Variants in ANK2 observed in about 807,000 individuals in gnomAD.
The protein encoded by ANK2 is ankyrin-2.
A neutral mutation model predicts 360.5 loss-of-function variants in ANK2; 83 were observed. The ratio of observed to expected loss-of-function variants is 0.23; its 90% confidence interval spans 0.19 to 0.28. The LOEUF (loss-of-function observed/expected upper bound fraction) is 0.28, where lower values mean the gene tolerates loss of function less well. Among genes scored for constraint, ANK2 ranks in the 10% least tolerant of loss-of-function variants. ANK2 has a pLI of 1.00. For missense variants in ANK2, 4,201 were observed against 4,795.7 expected, an observed-to-expected ratio of 0.88 and a Z score of 3.66; for synonymous variants, 1,740 against 1,759.5, an observed-to-expected ratio of 0.99 and a Z score of 0.28.
intron 14 of ANK2, 132 bp downstream of exon 14, chr4:113,265,127 G>T: frequency 1.2e-6 from 1 of 835,130 alleles, no homozygotes; most frequent in Non-Finnish European, 1.9e-6. Flanking sequence ...TTCAATAGCA[G>T]TTTTCCAGAA....
intron 2 of ANK2, among the ~76,000 whole-genome samples, chr4:112,948,031 A>C (rs1045241459): frequency 6.6e-6 from 1 of 152,228 alleles, no homozygotes; most frequent in Non-Finnish European, 1.5e-5. Context: ...CCATTTTGTA[A>C]TATGCGCTTC....
chr4:112,896,035 A>C (rs1580722956), intron 1 of ANK2, among the ~76,000 whole-genome samples: 1 of 152,210 alleles, frequency 6.6e-6, no homozygotes, highest in Non-Finnish European at 1.5e-5. Context: ...TCATTCTCTC[A>C]CCACCCGCCA....
intron 4 of ANK2, among the ~76,000 whole-genome samples, chr4:113,210,782 C>T (rs2099012625): frequency 1.3e-5 from 2 of 152,112 alleles, no homozygotes; most frequent in Admixed American, 6.5e-5. Context: ...TTATTATTTT[C>T]ATTGTTAGCT....
intron 2 of ANK2, among the ~76,000 whole-genome samples, chr4:112,932,298 C>T (rs188790027): frequency 5.1e-4 from 78 of 152,170 alleles, no homozygotes; most frequent in African/African-American, 1.7e-3. Context: ...TCGAGACCAG[C>T]CTGACCCACA....
intron 2 of ANK2, among the ~76,000 whole-genome samples, chr4:112,987,585 C>T (rs2045361322): frequency 2.0e-5 from 3 of 152,018 alleles, no homozygotes; most frequent in African/African-American, 7.2e-5. Flanking sequence ...CAGCAATCCC[C>T]AGATACCCAT....
At chr4:113,174,322 T>A in intron 1 of ANK2, 94 bp from the exon 2 acceptor site, 3 of 1,068,760 alleles carry the variant, frequency 2.8e-6, no homozygotes, top group Non-Finnish European at 4.2e-6. Flanking sequence ...AACTAAAGCT[T>A]TTCTGACTTC....
chr4:112,789,983 C>G, the ANK2 span, among the ~76,000 whole-genome samples: 1 of 152,056 alleles, frequency 6.6e-6, no homozygotes, highest in East Asian at 1.9e-4. Context: ...AAATTGGAAC[C>G]CTTGTTGGTG....
At position 113,287,600 on chromosome 4, in the gene ANK2, T is replaced by C. The variant is rs1209268795; in HGVS notation, c.2080-5T>C. 8 of 1,590,458 alleles carry C rather than the reference T, an allele frequency of 5.0e-6. No individual in the cohort carries two copies. The Admixed American group carries it at 1.3e-4, about 27-fold the overall frequency. ...TGTATCCCTTTGGTTCCATTCTTTC[T>C]GTAGAGTGGACTCACATCCTTACAC... On this transcript the variant is annotated splice_region_variant and splice_polypyrimidine_tract_variant and intron_variant, in intron 18 of 45. Coordinates refer to ENST00000357077, the MANE Select transcript of ANK2 (RefSeq NM_001148.6).
the ANK2 span, among the ~76,000 whole-genome samples, chr4:112,740,711 GA>G: frequency 1.6e-3 from 244 of 149,342 alleles, 1 homozygote; most frequent in Middle Eastern, 0.038. Context: ...CAAAAAAGAA[GA>G]AAAAAAAAAT....
At chr4:113,257,388 A>G (rs1351612393) in intron 11 of ANK2, among the ~76,000 whole-genome samples, 1 of 152,196 alleles carries the variant, frequency 6.6e-6, no homozygotes, top group African/African-American at 2.4e-5. Flanking sequence ...CATTTATCCC[A>G]GAAATTCTCC....
chr4:112,756,385 C>T, the ANK2 span, among the ~76,000 whole-genome samples: 3 of 152,216 alleles, frequency 2.0e-5, no homozygotes, highest in Admixed American at 6.5e-5. Flanking sequence ...TATCAATTCA[C>T]GTAGAACTAA....
At chr4:112,996,504 A>G (rs1309635754) in intron 2 of ANK2, among the ~76,000 whole-genome samples, 1 of 152,184 alleles carries the variant, frequency 6.6e-6, no homozygotes, top group Non-Finnish European at 1.5e-5. Flanking sequence ...TGTAATAGGA[A>G]CAGCACCTTT....
chr4:113,024,897 A>ATTAT (rs2058938977), intron 2 of ANK2, among the ~76,000 whole-genome samples: 2 of 152,202 alleles, frequency 1.3e-5, no homozygotes, highest in Non-Finnish European at 2.9e-5. Flanking sequence ...TTAGATAAAT[A>ATTAT]AAAAGAAGTC....
chr4:113,320,025 G>A (rs2085187155), intron 26 of ANK2, among the ~76,000 whole-genome samples: 1 of 152,132 alleles, frequency 6.6e-6, no homozygotes, highest in Admixed American at 6.5e-5. Context: ...ATCTGTGCAT[G>A]CCAATACTTC....
chr4:112,810,153 ATATATATTTT>A, the ANK2 span, among the ~76,000 whole-genome samples: 15 of 23,502 alleles, frequency 6.4e-4, no homozygotes, highest in African/African-American at 2.4e-3. Flanking sequence ...ATATATATAT[ATATATATTTT>A]TTTTTTTTTT....
At chr4:112,803,833 T>C in the ANK2 span, among the ~76,000 whole-genome samples, 1 of 152,116 alleles carries the variant, frequency 6.6e-6, no homozygotes, top group Non-Finnish European at 1.5e-5. Context: ...ATAAATAAAA[T>C]GACAATTTTG....
chr4:113,286,628 G>C (rs1230984750), intron 18 of ANK2, among the ~76,000 whole-genome samples: 1 of 152,186 alleles, frequency 6.6e-6, no homozygotes, highest in African/African-American at 2.4e-5. Context: ...AATCAGATGT[G>C]AACTGGGGAA....
In ANK2 at chr4:113,009,925, T is replaced by TACACACACACACACACACACACAC. The variant is rs3028929; in HGVS notation, c.21+105433_21+105434insACACACACACACACACACACACAC. On this transcript the variant is annotated intron_variant, in intron 2 of 30. Transcript: ENST00000503271. ...TTTCCTAAGGCCCCATTGTTGAGAG[T>TACACACACACACACACACACACAC]ACACACACACACACACACACACTCA... 2.1e-3 allele frequency among the ~76,000 whole-genome samples: 319 copies of TACACACACACACACACACACACAC among 149,642 alleles called. 1 individual carries two copies. Among genetic ancestry groups the TACACACACACACACACACACACAC allele is most frequent in the African/African-American group, 6.8e-3 (277 of 40,720 alleles).
intron 2 of ANK2, among the ~76,000 whole-genome samples, chr4:112,994,296 T>C (rs977175047): frequency 5.3e-5 from 8 of 152,224 alleles, no homozygotes; most frequent in African/African-American, 1.9e-4. Context: ...TTACAGATTC[T>C]ATAACCCTTG....
Sources: allele counts gnomAD v4.1 joint callset (sites outside exome capture counted in the v4.1 genomes callset), GRCh38; gene constraint gnomAD v4.1.1; transcripts MANE v1.5; gene names NCBI Gene and HGNC (gene_info 2026-07-23, HGNC 2026-07-21).